HLA-DOB: variants seen among roughly 807,000 people sequenced by gnomAD.
The protein encoded by HLA-DOB is major histocompatibility complex, class II, DO beta, also known as HLA class II histocompatibility antigen, DO beta chain.
In HLA-DOB, 25 loss-of-function variants were observed where a neutral mutation model predicts 27.7. That is an observed-to-expected ratio of 0.90 (90% CI 0.66 to 1.26). The LOEUF (loss-of-function observed/expected upper bound fraction) is 1.26, where lower values mean the gene tolerates loss of function less well. Among genes scored for constraint, HLA-DOB ranks in the 50% most tolerant of loss-of-function variants. The pLI is 0.00. For synonymous variants in HLA-DOB, 137 were observed against 125.6 expected (o/e 1.09, Z -0.61); for missense variants, 306 against 324.9 (o/e 0.94, Z 0.45).
Position 32,813,175 on chromosome 6 carries a change from C to A in HLA-DOB, c.*41G>T. The A allele has an allele frequency of 1.3e-6, 2 of 1,594,718 alleles. No individual in the cohort carries two copies. Among genetic ancestry groups the A allele is most frequent in the East Asian group, 2.2e-5 (1 of 44,786 alleles). ...CTCACCCAGGGCCCAGACTACTCAT[C>A]ACTACTTCAGGCTCCAGAGAGAGAA... On this transcript the variant is annotated 3_prime_UTR_variant, in exon 6 of 6. Transcript: ENST00000438763.
rs1175305329 is a variant in HLA-DOB, at chr6:32,815,116, T to C, written c.289A>G (p.Ser97Gly). Reference sequence around the variant, plus strand: ...CAGACCCCATCCACGGCCTGTCTGCTCCTCTCCAAGAGATCCAGCCGGCTG... The same window carrying C: ...CAGACCCCATCCACGGCCTGTCTGCCCCTCTCCAAGAGATCCAGCCGGCTG... ...WNSRLDLLERSRQAVDGVCRH... is the reference protein window; with the variant it reads ...WNSRLDLLERGRQAVDGVCRH... Residue 97 changes from serine to glycine, a missense_variant, in exon 2 of 6, where the codon AGC (serine) becomes GGC (glycine). Ser to Gly is a moderately conservative substitution (Grantham distance 56). Coordinates refer to ENST00000438763, the MANE Select transcript of HLA-DOB (RefSeq NM_002120.4). 2.5e-6 allele frequency: 4 copies of C among 1,614,098 alleles called. No individual in the cohort carries two copies. The Admixed American group carries it at 6.7e-5, about 27-fold the overall frequency.
intron 5 of HLA-DOB, 84 bp from the exon 6 acceptor site, chr6:32,813,335 C>T (rs2071479): frequency 0.026 from 41,151 of 1,590,466 alleles, 706 homozygotes; most frequent in East Asian, 0.045. Context: ...CAGTCCCATC[C>T]AGACAGCAGC....
chr6:32,813,954 T>G, intron 3 of HLA-DOB, 121 bp from the exon 4 acceptor site: 1 of 729,146 alleles, frequency 1.4e-6, no homozygotes. Context: ...TAAATAAATT[T>G]AGAAAAGGTT....
At chr6:32,816,371 G>C (rs1182080342) in intron 1 of HLA-DOB, among the ~76,000 whole-genome samples, 1 of 152,158 alleles carries the variant, frequency 6.6e-6, no homozygotes, top group Admixed American at 6.5e-5. Flanking sequence ...TCTCAAAACT[G>C]TTTAGTACAA....
intron 3 of HLA-DOB, 63 bp from the exon 4 acceptor site, chr6:32,813,896 T>C: frequency 1.0e-6 from 1 of 1,000,562 alleles, no homozygotes; most frequent in Non-Finnish European, 1.5e-6. Context: ...TTTCTTGGAA[T>C]CCCAGAATCT....
chr6:32,813,837 TG>T lies in HLA-DOB; in HGVS notation c.644-5del. On this transcript the variant is annotated splice_region_variant and splice_polypyrimidine_tract_variant and intron_variant, in intron 3 of 5. Coordinates refer to ENST00000438763, the MANE Select transcript of HLA-DOB (RefSeq NM_002120.4). Reference sequence around the variant, plus strand: ...CAAGAATATTCAGACTGAGCTCCTATGGGAAACAGGTCTTTAAATTAGTAAA... The same window carrying T: ...CAAGAATATTCAGACTGAGCTCCTATGGAAACAGGTCTTTAAATTAGTAAA... The T allele has an allele frequency of 1.3e-6, 2 of 1,520,562 alleles. No individual in the cohort carries two copies. The highest frequency in any genetic ancestry group is 1.8e-6 in the Non-Finnish European group (2 of 1,117,222). The allele number at this position is 1,520,562 out of a possible 1,614,324, so 94.2% of individuals were successfully genotyped here. A position where few individuals can be genotyped will look rare whatever the true frequency, so the allele number is the denominator to read the frequency against.
At chr6:32,815,561 T>C (rs1767984007) in intron 1 of HLA-DOB, among the ~76,000 whole-genome samples, 1 of 152,250 alleles carries the variant, frequency 6.6e-6, no homozygotes, top group African/African-American at 2.4e-5. Context: ...CTTAGAGACT[T>C]ACCAGACACG....
In HLA-DOB at chr6:32,815,405, G is replaced by A. The variant is rs1431540763; in HGVS notation, c.92-92C>T. ...ACGTCAGACCACATGGATCTAAGAGGAGGCCTTTGACCTCAGTATGCTCAA... is the reference window on the plus strand; with the variant it reads ...ACGTCAGACCACATGGATCTAAGAGAAGGCCTTTGACCTCAGTATGCTCAA... On this transcript the variant is annotated intron_variant, in intron 1 of 5. Transcript: ENST00000438763. 2.9e-6 allele frequency: 4 copies of A among 1,400,080 alleles called. No homozygotes were observed. The African/African-American group carries it at 5.6e-5, about 20-fold the overall frequency. 86.7% of individuals were successfully genotyped at this position (1,400,080 alleles called of 1,614,324 possible). A position where few individuals can be genotyped will look rare whatever the true frequency, so the allele number is the denominator to read the frequency against.
chr6:32,815,484 C>T (rs953761214), intron 1 of HLA-DOB, among the ~76,000 whole-genome samples, 171 bp from the exon 2 acceptor site: 5 of 152,170 alleles, frequency 3.3e-5, no homozygotes, highest in Admixed American at 6.5e-5. Flanking sequence ...CAGAGAATGA[C>T]ATTTATTAAA....
intron 1 of HLA-DOB, among the ~76,000 whole-genome samples, chr6:32,816,326 A>G (rs1404049276): frequency 6.6e-6 from 1 of 152,228 alleles, no homozygotes; most frequent in Non-Finnish European, 1.5e-5. Flanking sequence ...TAGCCGGAGG[A>G]CAAGGACAAT....
Position 32,814,575 on chromosome 6 carries a change from C to T in HLA-DOB, c.388G>A (p.Glu130Lys). The T allele has an allele frequency of 6.2e-7, 1 of 1,612,738 alleles. No homozygotes were observed. Among genetic ancestry groups the T allele is most frequent in the Middle Eastern group, 1.7e-4 (1 of 6,058 alleles). Residue 130 changes from glutamate to lysine, a missense_variant, in exon 3 of 6, where the codon GAG becomes AAG. Transcript: ENST00000438763. Reference sequence around the variant, plus strand: ...TGCTGGTGCAGGAGTGGGGTCCTCTCTGGGTACACTGTCACCTCTGGTTGC... The same window carrying T: ...TGCTGGTGCAGGAGTGGGGTCCTCTTTGGGTACACTGTCACCTCTGGTTGC... ...KVQPEVTVYP[E>K]RTPLLHQHNL...
chr6:32,813,192 G>C lies in HLA-DOB; in HGVS notation c.*24C>G, dbSNP rs772081272. The C allele has an allele frequency of 3.7e-6, 6 of 1,610,436 alleles. No individual in the cohort carries two copies. Among genetic ancestry groups the C allele is most frequent in the Non-Finnish European group, 5.1e-6 (6 of 1,177,730 alleles). Reference sequence around the variant, plus strand: ...CTACTCATCACTACTTCAGGCTCCAGAGAGAGAAGCTTCAGTGAGGACCTT... The same window carrying C: ...CTACTCATCACTACTTCAGGCTCCACAGAGAGAAGCTTCAGTGAGGACCTT... On this transcript the variant is annotated 3_prime_UTR_variant, in exon 6 of 6. Transcript: ENST00000438763.
chr6:32,813,069 G>C lies in HLA-DOB; in HGVS notation c.*147C>G, dbSNP rs1295509490. 1 of 753,838 alleles carries C rather than the reference G, an allele frequency of 1.3e-6. No individual in the cohort carries two copies. The highest frequency in any genetic ancestry group is 1.7e-5 in the African/African-American group (1 of 58,474). The allele number at this position is 753,838 out of a possible 1,614,324, so 46.7% of individuals were successfully genotyped here. ...GAGATGCATGATCTCAGAACACAGA[G>C]CTCCAGAATCAGTTCGGGCTCCTCC... On this transcript the variant is annotated 3_prime_UTR_variant, in exon 6 of 6. Coordinates refer to ENST00000438763, the MANE Select transcript of HLA-DOB (RefSeq NM_002120.4).
chr6:32,813,291 C>T (rs1163491572), intron 5 of HLA-DOB, 40 bp from the exon 6 acceptor site: 2 of 1,610,842 alleles, frequency 1.2e-6, no homozygotes, highest in Non-Finnish European at 1.7e-6. Context: ...GGCAGCCTCA[C>T]CACCCCCCAC....
intron 3 of HLA-DOB, 93 bp from the exon 4 acceptor site, chr6:32,813,926 A>C: frequency 1.3e-6 from 1 of 791,590 alleles, no homozygotes; most frequent in Non-Finnish European, 2.1e-6. Flanking sequence ...ACCAAATCCA[A>C]TGCTAGCTAG....
In HLA-DOB at chr6:32,815,425, G is replaced by A. The variant is rs1031553513; in HGVS notation, c.92-112C>T. On this transcript the variant is annotated intron_variant, in intron 1 of 5. Coordinates refer to ENST00000438763, the MANE Select transcript of HLA-DOB (RefSeq NM_002120.4). ...AAGAGGAGGCCTTTGACCTCAGTAT[G>A]CTCAAAAAGCACAGTGTCAAGTGAG... The A allele has an allele frequency of 1.1e-5, 11 of 999,566 alleles. No homozygotes were observed. The African/African-American group carries it at 1.3e-4, about 12-fold the overall frequency. The allele number at this position is 999,566 out of a possible 1,614,324, so 61.9% of individuals were successfully genotyped here. A position where few individuals can be genotyped will look rare whatever the true frequency, so the allele number is the denominator to read the frequency against.
chr6:32,816,076 T>C (rs1768007589), intron 1 of HLA-DOB, among the ~76,000 whole-genome samples: 1 of 152,228 alleles, frequency 6.6e-6, no homozygotes, highest in African/African-American at 2.4e-5. Context: ...TTCAGTTGTA[T>C]TGTTTAATGG....
intron 1 of HLA-DOB, 52 bp downstream of exon 1, chr6:32,816,809 C>T: frequency 7.1e-7 from 1 of 1,417,226 alleles, no homozygotes; most frequent in Non-Finnish European, 9.9e-7. Flanking sequence ...CATCACTCCC[C>T]CATGCCAATT....
At chr6:32,813,361 T>C (rs539847471) in intron 5 of HLA-DOB, 79 bp downstream of exon 5, 6 of 1,583,154 alleles carry the variant, frequency 3.8e-6, no homozygotes, top group East Asian at 2.2e-5. Flanking sequence ...TACTCCTCCC[T>C]ACCCCCATGT....
Sources: allele counts gnomAD v4.1 joint callset (sites outside exome capture counted in the v4.1 genomes callset), GRCh38; gene constraint gnomAD v4.1.1; transcripts MANE v1.5; gene names NCBI Gene and HGNC (gene_info 2026-07-23, HGNC 2026-07-21).